The following CDYL variants were observed in gnomAD, a reference collection of about 807,000 sequenced individuals.
CDYL encodes chromodomain Y-like protein.
Under a neutral mutation model 47.3 loss-of-function variants are expected in CDYL, and 8 were observed. The ratio of observed to expected loss-of-function variants is 0.17; its 90% confidence interval spans 0.10 to 0.31. The LOEUF is 0.31. Ranked by LOEUF, CDYL falls within the 10% of genes least tolerant of loss-of-function variation. The pLI, the probability that CDYL is intolerant of heterozygous loss-of-function variation, is 1.00. For missense variants in CDYL, 471 were observed against 701.4 expected (o/e 0.67, Z 3.71); for synonymous variants, 266 against 265.0 (o/e 1.00, Z -0.04).
intron 1 of CDYL, among the ~76,000 whole-genome samples, chr6:4,885,829 C>T (rs959108165): frequency 2.6e-5 from 4 of 152,084 alleles, no homozygotes; most frequent in Non-Finnish European, 5.9e-5. Flanking sequence ...GTTTTGTGTC[C>T]GTCACCACAG....
At chr6:4,797,586 A>G (rs1241418434) in intron 1 of CDYL, among the ~76,000 whole-genome samples, 2 of 152,204 alleles carry the variant, frequency 1.3e-5, no homozygotes, top group East Asian at 1.9e-4. Context: ...CTCCATGCCC[A>G]TTAGCTGTCA....
chr6:4,856,402 G>A (rs747507214), intron 1 of CDYL, among the ~76,000 whole-genome samples: 8 of 152,184 alleles, frequency 5.3e-5, no homozygotes, highest in Non-Finnish European at 1.0e-4. Context: ...CAGAGGCCAT[G>A]GAAGTGCACA....
intron 1 of CDYL, among the ~76,000 whole-genome samples, chr6:4,798,100 G>A (rs1320080295): frequency 6.6e-6 from 1 of 151,986 alleles, no homozygotes. Context: ...AGCCTCCTAG[G>A]TAGCTAGGAC....
chr6:4,765,000 A>G (rs1322037722), intron 3 of CDYL, among the ~76,000 whole-genome samples: 1 of 152,286 alleles, frequency 6.6e-6, no homozygotes, highest in East Asian at 1.9e-4. Context: ...GAAATTCTAC[A>G]GATTATATTC....
chr6:4,708,306 G>A (rs1036216284), intron 1 of CDYL, among the ~76,000 whole-genome samples: 6 of 152,020 alleles, frequency 3.9e-5, no homozygotes, highest in African/African-American at 1.4e-4. Context: ...TGGGACTACA[G>A]GTCCGTGCCA....
intron 1 of CDYL, among the ~76,000 whole-genome samples, chr6:4,834,923 A>G (rs972115715): frequency 1.8e-4 from 27 of 152,128 alleles, no homozygotes; most frequent in African/African-American, 6.5e-4. Context: ...TTTCAGCTCC[A>G]TCAGCCCCTT....
At chr6:4,876,124 C>G (rs1761614831) in intron 1 of CDYL, among the ~76,000 whole-genome samples, 1 of 152,180 alleles carries the variant, frequency 6.6e-6, no homozygotes, top group African/African-American at 2.4e-5. Context: ...AGTTTCCCTC[C>G]CACCCTTGTT....
At chr6:4,753,337 G>A (rs928907418) in intron 3 of CDYL, among the ~76,000 whole-genome samples, 10 of 152,266 alleles carry the variant, frequency 6.6e-5, no homozygotes, top group African/African-American at 2.4e-4. Flanking sequence ...ACTGTATGAG[G>A]TAGCTTTCCT....
chr6:4,736,437 T>C (rs2127415554), intron 3 of CDYL, among the ~76,000 whole-genome samples: 1 of 152,316 alleles, frequency 6.6e-6, no homozygotes, highest in African/African-American at 2.4e-5. Context: ...TTCCCATTGA[T>C]GTTTGCAACC....
At chr6:4,784,512 A>G (rs898438840) in intron 1 of CDYL, among the ~76,000 whole-genome samples, 1 of 152,222 alleles carries the variant, frequency 6.6e-6, no homozygotes, top group African/African-American at 2.4e-5. Context: ...TTGAAAATGC[A>G]AAACAGTAGT....
At chr6:4,784,495 G>A (rs76087897) in intron 1 of CDYL, among the ~76,000 whole-genome samples, 5,930 of 152,252 alleles carry the variant, frequency 0.039, 161 homozygotes, top group South Asian at 0.062. Context: ...AGATTTACCT[G>A]ATGATATTGA....
chr6:4,932,651 A>G (rs1273257349), intron 2 of CDYL, among the ~76,000 whole-genome samples: 1 of 152,188 alleles, frequency 6.6e-6, no homozygotes, highest in African/African-American at 2.4e-5. Context: ...AGCTGCTGGC[A>G]TGTGTAGTCT....
At chr6:4,935,993 T>C (rs1758180571) in intron 3 of CDYL, among the ~76,000 whole-genome samples, 1 of 152,198 alleles carries the variant, frequency 6.6e-6, no homozygotes, top group Non-Finnish European at 1.5e-5. Context: ...GTGCTGAGTG[T>C]CCATCCCCAT....
At chr6:4,812,256 CT>C (rs1304414864) in intron 1 of CDYL, among the ~76,000 whole-genome samples, 9 of 152,290 alleles carry the variant, frequency 5.9e-5, no homozygotes, top group African/African-American at 2.2e-4. Flanking sequence ...GTGTGTAGAC[CT>C]GTCTCATTCT....
chr6:4,853,216 C>A (rs1302580188), intron 1 of CDYL, among the ~76,000 whole-genome samples: 2 of 152,216 alleles, frequency 1.3e-5, no homozygotes, highest in African/African-American at 4.8e-5. Flanking sequence ...GTAGCCATTA[C>A]TGAGCATGTA....
intron 2 of CDYL, among the ~76,000 whole-genome samples, chr6:4,727,283 G>A (rs987475568): frequency 3.3e-5 from 5 of 152,108 alleles, no homozygotes; most frequent in Admixed American, 2.0e-4. Flanking sequence ...ATGACAGTTT[G>A]TCCAAAAGTG....
intron 2 of CDYL, among the ~76,000 whole-genome samples, chr6:4,720,489 T>C (rs960553913): frequency 1.1e-4 from 17 of 152,214 alleles, no homozygotes; most frequent in African/African-American, 3.4e-4. Flanking sequence ...GTCTTATATT[T>C]GGAAAATAAT....
chr6:4,858,470 G>A (rs560807747), intron 1 of CDYL, among the ~76,000 whole-genome samples: 6 of 152,270 alleles, frequency 3.9e-5, no homozygotes, highest in Admixed American at 6.5e-5. Flanking sequence ...TTGTCCAGCC[G>A]TCCAGTCACC....
chr6:4,931,466 G>A (rs1005082078), intron 2 of CDYL, among the ~76,000 whole-genome samples: 5 of 152,138 alleles, frequency 3.3e-5, no homozygotes, highest in African/African-American at 1.2e-4. Flanking sequence ...AGGCGTTCTA[G>A]GCAGAGGGAA....
Sources: allele counts gnomAD v4.1 joint callset (sites outside exome capture counted in the v4.1 genomes callset), GRCh38; gene constraint gnomAD v4.1.1; transcripts MANE v1.5; gene names NCBI Gene and HGNC (gene_info 2026-07-23, HGNC 2026-07-21).